GMDS: variants seen among roughly 807,000 people sequenced by gnomAD.
The protein encoded by GMDS is GDP-mannose 4,6 dehydratase.
GMDS carries 20 observed loss-of-function variants against 49.9 expected under a neutral mutation model. The ratio of observed to expected loss-of-function variants is 0.40; its 90% CI spans 0.28 to 0.58. GMDS has a LOEUF of 0.58. Ranked by LOEUF, GMDS falls within the 20% of genes least tolerant of loss-of-function variation. The probability of loss-of-function intolerance (pLI) is 0.42; values close to 1 mark genes in which losing one functional copy is unlikely to be tolerated. For synonymous variants in GMDS, 177 were observed against 178.6 expected, an observed-to-expected ratio of 0.99 and a Z score of 0.07; for missense variants, 362 against 481.4, an observed-to-expected ratio of 0.75 and a Z score of 2.32.
At chr6:2,130,146 G>A (rs183811395) in intron 1 of GMDS, among the ~76,000 whole-genome samples, 52 of 151,988 alleles carry the variant, frequency 3.4e-4, no homozygotes, top group South Asian at 2.3e-3. Context: ...TTGAGAACCC[G>A]GTAAAACAGA....
At chr6:2,181,241 T>C (rs1778515722) in intron 1 of GMDS, among the ~76,000 whole-genome samples, 1 of 149,636 alleles carries the variant, frequency 6.7e-6, no homozygotes, top group South Asian at 2.1e-4. Context: ...ATTAAAAAGG[T>C]ACACAGCAGC....
intron 4 of GMDS, among the ~76,000 whole-genome samples, chr6:2,067,147 C>A (rs1454558140): frequency 6.6e-6 from 1 of 151,248 alleles, no homozygotes; most frequent in African/African-American, 2.4e-5. Context: ...AACTGAACAA[C>A]CTGCTCCTGA....
At chr6:1,651,693 T>G (rs1429552369) in intron 9 of GMDS, among the ~76,000 whole-genome samples, 1 of 152,226 alleles carries the variant, frequency 6.6e-6, no homozygotes, top group Non-Finnish European at 1.5e-5. Context: ...GTTCAGTTTT[T>G]ACCATCTTTG....
intron 6 of GMDS, among the ~76,000 whole-genome samples, chr6:1,941,600 A>ACAAACAGCTTCTGAAAACTT (rs1762827592): frequency 1.3e-5 from 2 of 152,204 alleles, no homozygotes. Context: ...GACAAGGAGC[A>ACAAACAGCTTCTGAAAACTT]CAAACAGCTT....
At chr6:1,921,531 C>G (rs1761715582) in intron 7 of GMDS, among the ~76,000 whole-genome samples, 1 of 152,020 alleles carries the variant, frequency 6.6e-6, no homozygotes, top group African/African-American at 2.4e-5. Context: ...GTTTACTGCA[C>G]AGGATGAAGA....
At chr6:2,049,291 G>T (rs867021941) in intron 4 of GMDS, among the ~76,000 whole-genome samples, 5 of 152,278 alleles carry the variant, frequency 3.3e-5, no homozygotes, top group Middle Eastern at 3.4e-3. Context: ...CTGCAAATAT[G>T]AGAGATTTCT....
At chr6:1,862,860 T>C (rs1007957321) in intron 7 of GMDS, among the ~76,000 whole-genome samples, 3 of 152,308 alleles carry the variant, frequency 2.0e-5, no homozygotes, top group Middle Eastern at 3.4e-3. Flanking sequence ...ATAACACTTA[T>C]GAGTAAGTCT....
At chr6:1,967,190 C>T (rs937934275) in intron 4 of GMDS, among the ~76,000 whole-genome samples, 1 of 152,174 alleles carries the variant, frequency 6.6e-6, no homozygotes, top group East Asian at 1.9e-4. Context: ...CCGTCTTTAT[C>T]CTGCTTCATT....
At chr6:2,144,188 C>G (rs882399) in intron 1 of GMDS, among the ~76,000 whole-genome samples, 47,760 of 152,092 alleles carry the variant, frequency 0.31, 8,916 homozygotes, top group East Asian at 0.48. Context: ...CAGGTCAGGT[C>G]ACCAGCTAGA....
intron 8 of GMDS, among the ~76,000 whole-genome samples, chr6:1,735,372 T>C (rs1027108727): frequency 3.3e-5 from 5 of 152,220 alleles, no homozygotes; most frequent in African/African-American, 7.2e-5. Context: ...CTGCAGTCTA[T>C]GGCCACCACA....
At chr6:2,204,727 G>C (rs891158026) in intron 1 of GMDS, among the ~76,000 whole-genome samples, 1 of 152,140 alleles carries the variant, frequency 6.6e-6, no homozygotes, top group African/African-American at 2.4e-5. Flanking sequence ...CTTCCCTAGT[G>C]GACAGGTTAC....
intron 7 of GMDS, among the ~76,000 whole-genome samples, chr6:1,774,154 A>G (rs1768698190): frequency 6.6e-6 from 1 of 152,224 alleles, no homozygotes; most frequent in Non-Finnish European, 1.5e-5. Flanking sequence ...TCAAAACCAT[A>G]AGAATTCTAC....
In GMDS at chr6:2,059,707, C is replaced by CAAAAAAAAAA. The variant is rs35230658; in HGVS notation, c.345+56054_345+56063dup. Among the ~76,000 whole-genome samples, 35 of 17,766 alleles carry CAAAAAAAAAA rather than the reference C, an allele frequency of 2.0e-3. 5 individuals carry two copies. The highest frequency in any genetic ancestry group is 7.8e-3 in the East Asian group (2 of 258). The allele number at this position is 17,766 out of a possible 152,430, so 11.7% of individuals were successfully genotyped here. Reference sequence around the variant, plus strand: ...TGGGCGACAGAGCGAGACTCCGTCTCAAAAAAAAAAAAAAAAAAAATGCAC... The same window carrying CAAAAAAAAAA: ...TGGGCGACAGAGCGAGACTCCGTCTCAAAAAAAAAAAAAAAAAAAAAAAAAAAAAATGCAC... On this transcript the variant is annotated intron_variant, in intron 4 of 10. Coordinates refer to ENST00000380815, the MANE Select transcript of GMDS (RefSeq NM_001500.4).
At chr6:1,641,511 G>T (rs1043907024) in intron 9 of GMDS, among the ~76,000 whole-genome samples, 2 of 152,236 alleles carry the variant, frequency 1.3e-5, no homozygotes, top group African/African-American at 2.4e-5. Context: ...CCAGCCTGTG[G>T]CAGAACCTGA....
chr6:1,801,599 G>C (rs375351197), intron 7 of GMDS, among the ~76,000 whole-genome samples: 1 of 152,220 alleles, frequency 6.6e-6, no homozygotes, highest in African/African-American at 2.4e-5. Context: ...AGGGCAAAGG[G>C]AGCAGATGTT....
chr6:2,030,184 T>A (rs985354662), intron 4 of GMDS, among the ~76,000 whole-genome samples: 5 of 152,012 alleles, frequency 3.3e-5, no homozygotes, highest in African/African-American at 1.2e-4. Context: ...TCCACAAGAG[T>A]CTGTGGGTTT....
rs548631231 is a variant in GMDS at position 2,147,383 on chromosome 6, A to T, written c.103-22652T>A. ...ACTCACATACACGTTTAGCGTCCCTAATTTCAGCAGTACGTGACATTGGTT... is the reference window on the plus strand; with the variant it reads ...ACTCACATACACGTTTAGCGTCCCTTATTTCAGCAGTACGTGACATTGGTT... On this transcript the variant is annotated intron_variant, in intron 1 of 10. Coordinates refer to ENST00000380815, the MANE Select transcript of GMDS (RefSeq NM_001500.4). Among the ~76,000 whole-genome samples, 24 of 152,284 alleles carry T rather than the reference A, an allele frequency of 1.6e-4. No individual in the cohort carries two copies. In the South Asian group the frequency reaches 4.8e-3, roughly 30 times the overall value.
At chr6:2,109,186 G>A (rs886530722) in intron 4 of GMDS, among the ~76,000 whole-genome samples, 3 of 152,158 alleles carry the variant, frequency 2.0e-5, no homozygotes, top group Admixed American at 6.5e-5. Context: ...AGCACACTGG[G>A]ACTGAAGTGA....
At chr6:1,649,412 T>TA (rs1173248966) in intron 9 of GMDS, among the ~76,000 whole-genome samples, 2 of 152,174 alleles carry the variant, frequency 1.3e-5, no homozygotes, top group Non-Finnish European at 2.9e-5. Flanking sequence ...ACTCTAAATT[T>TA]AACTCATGAT....
Sources: gnomAD v4.1 joint callset for allele counts (sites outside exome capture counted in the v4.1 genomes callset) on GRCh38, gnomAD v4.1.1 for gene constraint, MANE v1.5 for transcripts, NCBI Gene and HGNC (gene_info 2026-07-23, HGNC 2026-07-21) for gene names.